Variants in RASGEF1B observed in about 807,000 individuals in gnomAD.
RASGEF1B encodes the protein RasGEF domain family member 1B, also known as ras-GEF domain-containing family member 1B.
A neutral mutation model predicts 65.7 loss-of-function variants in RASGEF1B; 30 were observed. The observed-to-expected ratio is 0.46, with a 90% CI of 0.34 to 0.62. RASGEF1B has a LOEUF of 0.62. Ranked by LOEUF, RASGEF1B falls within the 20% of genes least tolerant of loss-of-function variation. RASGEF1B has a pLI of 0.01. For missense variants in RASGEF1B, 495 were observed against 580.1 expected (o/e 0.85, Z 1.51); for synonymous variants, 175 against 194.8 (o/e 0.90, Z 0.85).
intron 2 of RASGEF1B, among the ~76,000 whole-genome samples, 195 bp from the exon 3 acceptor site, chr4:81,457,816 C>T (rs1722502302): frequency 1.3e-5 from 2 of 152,032 alleles, no homozygotes; most frequent in Admixed American, 6.6e-5. Context: ...TCCCTGAAAC[C>T]ATACTAAAAA....
At chr4:81,456,324 A>C in intron 4 of RASGEF1B, 1 of 592,206 alleles carries the variant, frequency 1.7e-6, no homozygotes, top group Admixed American at 3.2e-5. Flanking sequence ...TTTATCATCT[A>C]ACTAGCTGTG....
intron 1 of RASGEF1B, among the ~76,000 whole-genome samples, chr4:81,469,363 C>A (rs1332309931): frequency 1.3e-5 from 2 of 152,134 alleles, no homozygotes; most frequent in African/African-American, 4.8e-5. Flanking sequence ...TCCCAATGTT[C>A]CTCCCAAGTC....
At chr4:81,467,898 A>G (rs985816342) in intron 1 of RASGEF1B, among the ~76,000 whole-genome samples, 3 of 152,238 alleles carry the variant, frequency 2.0e-5, no homozygotes, top group African/African-American at 7.2e-5. Context: ...GCTGTCAAAA[A>G]GAACTTTCTG....
rs1722562118 is a variant in RASGEF1B, at chr4:81,459,403, T to G, written c.106A>C (p.Asn36His). ...TCCAGGGATCCAGAGAGGAGGTTGT[T>G]GTCATGGTAATACAACCCTCCACAG... ...DSCGGLYYHD[N>H]NLLSGSLEAL... is the part of the protein sequence containing the mutation. The change falls in exon 2 of 14, where the codon AAC becomes CAC. Residue 36 changes from asparagine (N) to histidine (H), a missense_variant. Asn to His is a moderately conservative substitution (Grantham distance 68). Transcript: ENST00000264400. The G allele has an allele frequency of 6.2e-7, 1 of 1,613,614 alleles. No homozygotes were observed. Among genetic ancestry groups the G allele is most frequent in the Non-Finnish European group, 8.5e-7 (1 of 1,179,824 alleles).
chr4:81,429,903 C>A, intron 13 of RASGEF1B, among the ~76,000 whole-genome samples: 1 of 152,062 alleles, frequency 6.6e-6, no homozygotes, highest in Non-Finnish European at 1.5e-5. Flanking sequence ...ACTGGCGGGA[C>A]GAGGCGAAGT....
In RASGEF1B at chr4:81,434,623, A is replaced by C. The variant is rs534766493; in HGVS notation, c.1200+16T>G. On this transcript the variant is annotated intron_variant, in intron 11 of 13. Transcript: ENST00000264400. ...CCTTGTGCTTGGATTTTTGTATCCT[A>C]CTTTATCACACTCACCTCAAAATTG... is the stretch of plus-strand genomic sequence containing the variant. 2 of 1,488,922 alleles carry C rather than the reference A, an allele frequency of 1.3e-6. No individual in the cohort carries two copies. Among genetic ancestry groups the C allele is most frequent in the Admixed American group, 1.7e-5 (1 of 59,828 alleles). 92.2% of individuals were successfully genotyped at this position (1,488,922 alleles called of 1,614,324 possible).
At position 81,442,168 on chromosome 4, in the gene RASGEF1B, C is replaced by T. The variant is rs1023052443; in HGVS notation, c.1008+129G>A. 5.9e-6 allele frequency: 4 copies of T among 672,348 alleles called. No homozygotes were observed. The East Asian group carries it at 1.0e-4, about 18-fold the overall frequency. The allele number at this position is 672,348 out of a possible 1,614,324, so 41.6% of individuals were successfully genotyped here. On this transcript the variant is annotated intron_variant, in intron 9 of 13. Transcript: ENST00000264400. ...CCTCCAATTCTACCCACTTTCCTTT[C>T]CCTGGGTCTGTAAAGATAGATGGGC...
chr4:81,435,710 T>C lies in RASGEF1B; in HGVS notation c.1105-976A>G, dbSNP rs554266909. 3.0e-3 allele frequency among the ~76,000 whole-genome samples: 454 copies of C among 149,080 alleles called. 4 individuals are homozygous for C. The highest frequency in any genetic ancestry group is 5.7e-3 in the Non-Finnish European group (381 of 67,252). On this transcript the variant is annotated intron_variant, in intron 10 of 13. Transcript: ENST00000264400. Reference sequence around the variant, plus strand: ...CAGGATGGTCTCGATCTCCTGACCTTGTGATCCGCCCGCCTTGGCCTCCCA... The same window carrying C: ...CAGGATGGTCTCGATCTCCTGACCTCGTGATCCGCCCGCCTTGGCCTCCCA...
chr4:81,442,945 G>A (rs1302065441), intron 8 of RASGEF1B, among the ~76,000 whole-genome samples: 2 of 152,252 alleles, frequency 1.3e-5, no homozygotes, highest in African/African-American at 2.4e-5. Context: ...AGAAACTAAT[G>A]TGTCAAACAC....
rs912990540 is a variant in RASGEF1B at position 81,439,157 on chromosome 4, G to A, written c.1104+1677C>T. Among the ~76,000 whole-genome samples the A allele has an allele frequency of 2.0e-5, 3 of 152,104 alleles. No individual in the cohort carries two copies. The South Asian group carries it at 6.2e-4, about 32-fold the overall frequency. On this transcript the variant is annotated intron_variant, in intron 10 of 13. Transcript: ENST00000264400. Reference sequence around the variant, plus strand: ...TCTGGTTCTAGATCCTTGACGAATTGCCACACTGTCTTCCATAATTATGTA... The same window carrying A: ...TCTGGTTCTAGATCCTTGACGAATTACCACACTGTCTTCCATAATTATGTA...
At chr4:81,432,180 A>G in intron 13 of RASGEF1B, 119 bp downstream of exon 13, 1 of 597,800 alleles carries the variant, frequency 1.7e-6, no homozygotes, top group Non-Finnish European at 3.0e-6. Context: ...TGTACAAGAG[A>G]TAAAGTGCAG....
At chr4:81,442,441 A>G in intron 8 of RASGEF1B, 65 bp from the exon 9 acceptor site, 1 of 889,508 alleles carries the variant, frequency 1.1e-6, no homozygotes, top group East Asian at 2.4e-5. Flanking sequence ...GAAAAACGAT[A>G]AACACATACT....
At chr4:81,442,825 T>C (rs1456088834) in intron 8 of RASGEF1B, among the ~76,000 whole-genome samples, 3 of 152,252 alleles carry the variant, frequency 2.0e-5, no homozygotes, top group Admixed American at 6.5e-5. Flanking sequence ...TTATTTTCAT[T>C]TTTTTCAATC....
At chr4:81,438,636 GGTGGTTTGCTGCACC>G (rs1245823443) in intron 10 of RASGEF1B, among the ~76,000 whole-genome samples, 1 of 152,092 alleles carries the variant, frequency 6.6e-6, no homozygotes, top group Non-Finnish European at 1.5e-5. Flanking sequence ...CATGTGTCAT[GGTGGTTTGCTGCACC>G]TATCAACCCG....
At position 81,455,628 on chromosome 4, in the gene RASGEF1B, G is replaced by A. The variant is rs370850267; in HGVS notation, c.438+1023C>T. 3.3e-5 allele frequency: 5 copies of A among 152,176 alleles called. No homozygotes were observed. In the East Asian group the frequency reaches 5.8e-4, roughly 18 times the overall value. 9.4% of individuals were successfully genotyped at this position (152,176 alleles called of 1,614,324 possible). On this transcript the variant is annotated intron_variant, in intron 4 of 13. Transcript: ENST00000264400. ...ATGACTTGTTCCCAGAAGTTGACCT[G>A]CAACATGGAAACTACAAGGGCATCC...
chr4:81,447,422 A>G, intron 6 of RASGEF1B, 82 bp downstream of exon 6: 1 of 1,028,904 alleles, frequency 9.7e-7, no homozygotes, highest in African/African-American at 1.6e-5. Flanking sequence ...TATAGTTCTA[A>G]CTTCCGTCCT....
chr4:81,442,430 A>G, intron 8 of RASGEF1B, 54 bp from the exon 9 acceptor site: 2 of 1,018,684 alleles, frequency 2.0e-6, no homozygotes, highest in Non-Finnish European at 3.1e-6. Flanking sequence ...GAGAGAAATA[A>G]GAAAAACGAT....
chr4:81,465,852 T>A (rs1047297683), intron 1 of RASGEF1B, among the ~76,000 whole-genome samples: 8 of 152,194 alleles, frequency 5.3e-5, no homozygotes, highest in African/African-American at 1.9e-4. Context: ...GCTTTGTAAA[T>A]CTCTACTAGA....
At chr4:81,437,731 C>A (rs1721679916) in intron 10 of RASGEF1B, among the ~76,000 whole-genome samples, 1 of 152,132 alleles carries the variant, frequency 6.6e-6, no homozygotes, top group Admixed American at 6.5e-5. Context: ...TAGAAATAAT[C>A]TTACTTAGGA....
Sources: allele counts gnomAD v4.1 joint callset (sites outside exome capture counted in the v4.1 genomes callset), GRCh38; gene constraint gnomAD v4.1.1; transcripts MANE v1.5; gene names NCBI Gene and HGNC (gene_info 2026-07-23, HGNC 2026-07-21).